Variants in SUDS3 observed in about 807,000 individuals in gnomAD.
SUDS3 encodes the protein SIN3A corepressor complex component SDS3.
SUDS3 carries 23 observed loss-of-function variants against 53.5 expected under a neutral mutation model. The observed-to-expected ratio is 0.43, with a 90% CI of 0.31 to 0.61. SUDS3 has a LOEUF of 0.61. Ranked by LOEUF, SUDS3 falls within the 20% of genes least tolerant of loss-of-function variation. The pLI is 0.10. For missense variants in SUDS3, 291 were observed against 405.9 expected (o/e 0.72, Z 2.43); for synonymous variants, 150 against 148.5 (o/e 1.01, Z -0.08).
chr12:118,382,751 T>A (rs1213815699), intron 2 of SUDS3, among the ~76,000 whole-genome samples: 1 of 147,958 alleles, frequency 6.8e-6, no homozygotes, highest in African/African-American at 2.5e-5. Context: ...CACTGCAACC[T>A]CCAGCCCCTG....
At chr12:118,376,988 T>C (rs567507804) in intron 1 of SUDS3, among the ~76,000 whole-genome samples, 155 bp downstream of exon 1, 1 of 152,160 alleles carries the variant, frequency 6.6e-6, no homozygotes, top group Admixed American at 6.5e-5. Context: ...GTTACCCCCA[T>C]CCGTGCTGGA....
At chr12:118,393,001 A>G (rs1250064132) in intron 6 of SUDS3, among the ~76,000 whole-genome samples, 1 of 152,228 alleles carries the variant, frequency 6.6e-6, no homozygotes, top group Non-Finnish European at 1.5e-5. Context: ...AACGCAATAA[A>G]ATAGATTACA....
intron 2 of SUDS3, 142 bp from the exon 3 acceptor site, chr12:118,383,870 C>G: frequency 1.5e-6 from 1 of 673,478 alleles, no homozygotes; most frequent in South Asian, 2.1e-5. Context: ...TTTAAGCCAG[C>G]AAGCAGACTT....
chr12:118,416,865 C>T lies in SUDS3; in HGVS notation c.*2432C>T, dbSNP rs2046405494. 1 of 152,116 alleles carries T rather than the reference C, an allele frequency of 6.6e-6. No individual in the cohort carries two copies. 9.4% of individuals were successfully genotyped at this position (152,116 alleles called of 1,614,324 possible). On this transcript the variant is annotated 3_prime_UTR_variant, in exon 12 of 12. Transcript: ENST00000543473. ...AAAAGGTCATTGTTTCTCACTAGAC[C>T]CCAGGGCACCAGATGAATTTCCAAG...
chr12:118,381,305 A>G (rs2141360109), intron 2 of SUDS3, among the ~76,000 whole-genome samples: 1 of 152,144 alleles, frequency 6.6e-6, no homozygotes, highest in Admixed American at 6.5e-5. Context: ...CCCAGGTTCA[A>G]GTGATTCTCC....
chr12:118,378,967 A>C (rs1403764703), intron 1 of SUDS3, among the ~76,000 whole-genome samples: 1 of 150,268 alleles, frequency 6.7e-6, no homozygotes. Context: ...GAGCCACTGC[A>C]CCTGGCCCTA....
intron 10 of SUDS3, among the ~76,000 whole-genome samples, chr12:118,407,901 T>G (rs2046322376): frequency 6.6e-6 from 1 of 151,412 alleles, no homozygotes; most frequent in African/African-American, 2.4e-5. Context: ...TGTATTTTAT[T>G]TATTTATTTA....
chr12:118,398,614 C>CTTTTTTTTT (rs375288763), intron 6 of SUDS3, among the ~76,000 whole-genome samples: 1 of 113,286 alleles, frequency 8.8e-6, no homozygotes, highest in African/African-American at 3.4e-5. Context: ...ATGCAGAAGC[C>CTTTTTTTTT]TTTTTTTTTT....
In SUDS3 at chr12:118,415,736, G is replaced by T. The variant is rs1189703608; in HGVS notation, c.*1303G>T. 6.6e-6 allele frequency: 1 copy of T among 152,088 alleles called. No individual in the cohort carries two copies. The highest frequency in any genetic ancestry group is 2.4e-5 in the African/African-American group (1 of 41,408). The allele number at this position is 152,088 out of a possible 1,614,324, so 9.4% of individuals were successfully genotyped here. On this transcript the variant is annotated 3_prime_UTR_variant, in exon 12 of 12. Coordinates refer to ENST00000543473, the MANE Select transcript of SUDS3 (RefSeq NM_022491.3). ...TTGTAAGTAATTCTTTTGGTCTCAA[G>T]TGATTCTCTTCATGTTGTCTCTTGA...
intron 4 of SUDS3, among the ~76,000 whole-genome samples, chr12:118,387,411 A>G (rs1321647122): frequency 6.6e-6 from 1 of 152,208 alleles, no homozygotes; most frequent in African/African-American, 2.4e-5. Context: ...GTAGAGGGGA[A>G]TATTAATACC....
intron 3 of SUDS3, 80 bp from the exon 4 acceptor site, chr12:118,386,034 C>T: frequency 9.2e-7 from 1 of 1,088,196 alleles, no homozygotes; most frequent in Non-Finnish European, 1.4e-6. Flanking sequence ...AGTGTTGATG[C>T]TAGATAATAA....
chr12:118,383,881 T>G lies in SUDS3; in HGVS notation c.213-131T>G, dbSNP rs2046090023. The G allele has an allele frequency of 8.0e-6, 6 of 753,280 alleles. No homozygotes were observed. The South Asian group carries it at 1.2e-4, about 15-fold the overall frequency. 46.7% of individuals were successfully genotyped at this position (753,280 alleles called of 1,614,324 possible). On this transcript the variant is annotated intron_variant, in intron 2 of 11. Transcript: ENST00000543473. Reference sequence around the variant, plus strand: ...GCATTTTAAGCCAGCAAGCAGACTTTACTTTCCTCTCTTCCCTGAAGGACA... The same window carrying G: ...GCATTTTAAGCCAGCAAGCAGACTTGACTTTCCTCTCTTCCCTGAAGGACA...
rs1455884054 is a variant in SUDS3, at chr12:118,417,074, T to C, written c.*2641T>C. 3 of 152,118 alleles carry C rather than the reference T, an allele frequency of 2.0e-5. No individual in the cohort carries two copies. Among genetic ancestry groups the C allele is most frequent in the Non-Finnish European group, 4.4e-5 (3 of 68,036 alleles). The allele number at this position is 152,118 out of a possible 1,614,324, so 9.4% of individuals were successfully genotyped here. A position where few individuals can be genotyped will look rare whatever the true frequency, so the allele number is the denominator to read the frequency against. On this transcript the variant is annotated 3_prime_UTR_variant, in exon 12 of 12. Coordinates refer to ENST00000543473, the MANE Select transcript of SUDS3 (RefSeq NM_022491.3). The stretch of plus-strand genomic sequence containing the variant: ...GGTTTTGTGTGTTCCCCTCCCCCCA[T>C]GCCCTGCCTACCCCCTTTTCCCTGA...
chr12:118,385,836 C>G (rs1211490560), intron 3 of SUDS3, among the ~76,000 whole-genome samples: 3 of 152,148 alleles, frequency 2.0e-5, no homozygotes, highest in Non-Finnish European at 4.4e-5. Flanking sequence ...CAGACTGTTG[C>G]AGCAACTGAT....
At chr12:118,392,764 C>T (rs1012511478) in intron 6 of SUDS3, among the ~76,000 whole-genome samples, 1 of 152,198 alleles carries the variant, frequency 6.6e-6, no homozygotes, top group Non-Finnish European at 1.5e-5. Context: ...CTTCATTAGG[C>T]TAGTGGGAAA....
At chr12:118,402,286 A>G (rs1718031345) in intron 9 of SUDS3, 1 of 482,642 alleles carries the variant, frequency 2.1e-6, no homozygotes, top group Non-Finnish European at 3.6e-6. Flanking sequence ...GGCATCAGGC[A>G]TAAGATTTAA....
chr12:118,397,114 AG>A (rs1200750590), intron 6 of SUDS3, among the ~76,000 whole-genome samples: 1 of 152,170 alleles, frequency 6.6e-6, no homozygotes, highest in Non-Finnish European at 1.5e-5. Context: ...CAAACCTATG[AG>A]GAGACCTCTG....
intron 2 of SUDS3, among the ~76,000 whole-genome samples, chr12:118,380,720 T>A (rs993604938): frequency 1.5e-4 from 23 of 152,350 alleles, no homozygotes; most frequent in Middle Eastern, 3.4e-3. Context: ...CTCTTTTTTT[T>A]CCTTGAGACA....
At chr12:118,379,355 T>C (rs1443325955) in intron 1 of SUDS3, among the ~76,000 whole-genome samples, 1 of 152,128 alleles carries the variant, frequency 6.6e-6, no homozygotes, top group Non-Finnish European at 1.5e-5. Context: ...GAGAATCGCT[T>C]GAACCCAGGA....
Sources: gnomAD v4.1 joint callset for allele counts (sites outside exome capture counted in the v4.1 genomes callset) on GRCh38, gnomAD v4.1.1 for gene constraint, MANE v1.5 for transcripts, NCBI Gene and HGNC (gene_info 2026-07-23, HGNC 2026-07-21) for gene names.